Variants in PTPRB observed in about 807,000 individuals in gnomAD.
The protein encoded by PTPRB is protein tyrosine phosphatase receptor type B, also known as receptor-type tyrosine-protein phosphatase beta.
In PTPRB, 97 loss-of-function variants were observed where a neutral mutation model predicts 238.1. The ratio of observed to expected loss-of-function variants is 0.41; its 90% CI spans 0.35 to 0.48. The LOEUF (loss-of-function observed/expected upper bound fraction) is 0.48, where lower values mean the gene tolerates loss of function less well. PTPRB is among the 20% of genes least tolerant of loss of function. PTPRB has a pLI of 0.30. For synonymous variants in PTPRB, 970 were observed against 995.4 expected, an observed-to-expected ratio of 0.97 and a Z score of 0.48; for missense variants, 2,292 against 2,681.9, an observed-to-expected ratio of 0.85 and a Z score of 3.21.
At chr12:70,592,632 G>A in intron 6 of PTPRB, 87 bp from the exon 7 acceptor site, 1 of 1,377,520 alleles carries the variant, frequency 7.3e-7, no homozygotes. Context: ...TTTTATTTCT[G>A]CAAGCCACAT....
intron 2 of PTPRB, among the ~76,000 whole-genome samples, chr12:70,632,321 T>C (rs1011832012): frequency 6.6e-6 from 1 of 151,512 alleles, no homozygotes; most frequent in African/African-American, 2.4e-5. Context: ...CAGCAAACTA[T>C]CACAAGGACA....
intron 32 of PTPRB, chr12:70,527,602 C>G (rs895485350): frequency 6.6e-6 from 1 of 152,184 alleles, no homozygotes; most frequent in African/African-American, 2.4e-5. Context: ...GGTCAGGCTG[C>G]AAATTTCCCT....
chr12:70,557,461 T>C (rs1877869026), intron 18 of PTPRB, among the ~76,000 whole-genome samples: 1 of 152,156 alleles, frequency 6.6e-6, no homozygotes, highest in South Asian at 2.1e-4. Context: ...ACTGAGTCTC[T>C]CTTTCATGGC....
At chr12:70,576,297 A>G in intron 11 of PTPRB, 85 bp downstream of exon 11, 1 of 1,418,736 alleles carries the variant, frequency 7.0e-7, no homozygotes, top group Non-Finnish European at 9.5e-7. Context: ...TCATCCCATC[A>G]TTACAGAATT....
intron 20 of PTPRB, among the ~76,000 whole-genome samples, chr12:70,553,962 G>T (rs1483720068): frequency 6.6e-6 from 1 of 152,144 alleles, no homozygotes; most frequent in Non-Finnish European, 1.5e-5. Context: ...GGAACACAAG[G>T]CTACTTTCTG....
At chr12:70,584,504 C>T (rs1881692292) in intron 9 of PTPRB, among the ~76,000 whole-genome samples, 1 of 152,120 alleles carries the variant, frequency 6.6e-6, no homozygotes, top group Non-Finnish European at 1.5e-5. Context: ...AAAAAGCAGT[C>T]ATAGCAAACA....
At position 70,538,914 on chromosome 12, in the gene PTPRB, C is replaced by G. The variant is rs749254689; in HGVS notation, c.5869+10G>C. 2 of 1,606,310 alleles carry G rather than the reference C, an allele frequency of 1.2e-6. No homozygotes were observed. The highest frequency in any genetic ancestry group is 1.7e-6 in the Non-Finnish European group (2 of 1,174,710). Reference sequence around the variant, plus strand: ...GAAGACAGTATTACAAATTTTGACACAAAACTTACAGGGCAATATATTGTT... The same window carrying G: ...GAAGACAGTATTACAAATTTTGACAGAAAACTTACAGGGCAATATATTGTT... On this transcript the variant is annotated intron_variant, in intron 27 of 33. Coordinates refer to ENST00000334414, the MANE Select transcript of PTPRB (RefSeq NM_001109754.4).
intron 16 of PTPRB, 134 bp from the exon 17 acceptor site, chr12:70,561,068 G>A: frequency 2.1e-6 from 2 of 944,208 alleles, no homozygotes; most frequent in Non-Finnish European, 3.2e-6. Context: ...CTACATTTCA[G>A]GCCATTTAAC....
At chr12:70,626,285 G>T (rs1885172139) in intron 2 of PTPRB, among the ~76,000 whole-genome samples, 1 of 142,566 alleles carries the variant, frequency 7.0e-6, no homozygotes, top group Non-Finnish European at 1.5e-5. Context: ...AAAGGATGAT[G>T]TCTATCCATC....
At chr12:70,610,300 C>T (rs925918949) in intron 3 of PTPRB, among the ~76,000 whole-genome samples, 1 of 152,118 alleles carries the variant, frequency 6.6e-6, no homozygotes, top group African/African-American at 2.4e-5. Context: ...CTCCTCCTCC[C>T]GTACTCTCCC....
At chr12:70,604,772 G>A (rs779045470) in intron 4 of PTPRB, among the ~76,000 whole-genome samples, 3 of 152,144 alleles carry the variant, frequency 2.0e-5, no homozygotes, top group Non-Finnish European at 4.4e-5. Context: ...GTGTTCTTAT[G>A]AGAAGACATT....
chr12:70,636,703 C>T (rs1000911511), intron 1 of PTPRB, among the ~76,000 whole-genome samples: 2 of 152,100 alleles, frequency 1.3e-5, no homozygotes, highest in Non-Finnish European at 2.9e-5. Context: ...TGGAGAGGAG[C>T]ATTTCTCTAT....
chr12:70,619,322 A>G (rs7979665), intron 3 of PTPRB, among the ~76,000 whole-genome samples: 9 of 61,790 alleles, frequency 1.5e-4, no homozygotes, highest in South Asian at 5.8e-4. Context: ...TGATAATGAT[A>G]ATGATAATGA....
At position 70,523,834 on chromosome 12, in the gene PTPRB, A is replaced by G. The variant is rs183776522; in HGVS notation, c.6625+637T>C. On this transcript the variant is annotated intron_variant, in intron 33 of 33. Transcript: ENST00000334414. ...CTCTTCTTTTCTTTTCTTTTTTTTG[A>G]GACAGAGTCTCGCTCTTGTTGCCCA... 3.5e-3 allele frequency among the ~76,000 whole-genome samples: 527 copies of G among 150,238 alleles called. 2 individuals carry two copies. Among genetic ancestry groups the G allele is most frequent in the African/African-American group, 0.012 (493 of 40,814 alleles).
chr12:70,522,091 T>G (rs1871719770), intron 33 of PTPRB, among the ~76,000 whole-genome samples: 1 of 152,210 alleles, frequency 6.6e-6, no homozygotes, highest in South Asian at 2.1e-4. Flanking sequence ...CTCTAAATAG[T>G]AGCTCTTTAT....
At chr12:70,568,954 A>T (rs532695708) in intron 14 of PTPRB, among the ~76,000 whole-genome samples, 1 of 152,318 alleles carries the variant, frequency 6.6e-6, no homozygotes, top group South Asian at 2.1e-4. Context: ...TATTGATATA[A>T]ACAGATATAT....
intron 4 of PTPRB, among the ~76,000 whole-genome samples, chr12:70,603,708 T>G (rs1428887479): frequency 2.0e-5 from 3 of 152,224 alleles, no homozygotes; most frequent in African/African-American, 4.8e-5. Flanking sequence ...ATTTGATGTA[T>G]GAACCAATGA....
chr12:70,573,804 T>A (rs1245511304), intron 11 of PTPRB, among the ~76,000 whole-genome samples: 1 of 152,140 alleles, frequency 6.6e-6, no homozygotes, highest in East Asian at 1.9e-4. Context: ...CCAAGAATTA[T>A]GATTAATACA....
intron 9 of PTPRB, among the ~76,000 whole-genome samples, chr12:70,583,904 A>G (rs941465030): frequency 6.6e-6 from 1 of 152,210 alleles, no homozygotes; most frequent in African/African-American, 2.4e-5. Context: ...CATACATTTA[A>G]AGAAATAAAG....
Sources: gnomAD v4.1 joint callset for allele counts (sites outside exome capture counted in the v4.1 genomes callset) on GRCh38, gnomAD v4.1.1 for gene constraint, MANE v1.5 for transcripts, NCBI Gene and HGNC (gene_info 2026-07-23, HGNC 2026-07-21) for gene names.